Variants in TMPRSS5 observed in about 807,000 individuals in gnomAD.
TMPRSS5 encodes the protein transmembrane protease serine 5.
TMPRSS5 carries 45 observed loss-of-function variants against 59.7 expected under a neutral mutation model. The observed-to-expected ratio is 0.75, with a 90% CI of 0.59 to 0.97. TMPRSS5 has a LOEUF of 0.97. TMPRSS5 is among the 50% of genes least tolerant of loss of function. The probability of loss-of-function intolerance (pLI) is 0.00; values close to 1 mark genes in which losing one functional copy is unlikely to be tolerated. For missense variants in TMPRSS5, 585 were observed against 596.7 expected, an observed-to-expected ratio of 0.98 and a Z score of 0.20; for synonymous variants, 225 against 232.0, an observed-to-expected ratio of 0.97 and a Z score of 0.27.
rs976878229 is a variant in TMPRSS5 at position 113,688,011 on chromosome 11, C to A, written c.*249G>T. The stretch of plus-strand genomic sequence containing the variant: ...CCTCAGCAACCACAGCATGCCCAAC[C>A]AAGTCCCAGCCTCTCTTCTGTCATT... On this transcript the variant is annotated 3_prime_UTR_variant, in exon 13 of 13. Transcript: ENST00000299882. 4 of 469,538 alleles carry A rather than the reference C, an allele frequency of 8.5e-6. No individual in the cohort carries two copies. Among genetic ancestry groups the A allele is most frequent in the Non-Finnish European group, 1.4e-5 (4 of 289,362 alleles). The allele number at this position is 469,538 out of a possible 1,614,324, so 29.1% of individuals were successfully genotyped here.
intron 9 of TMPRSS5, among the ~76,000 whole-genome samples, 170 bp downstream of exon 9, chr11:113,692,901 A>T (rs568821868): frequency 5.3e-5 from 8 of 152,296 alleles, no homozygotes; most frequent in African/African-American, 1.9e-4. Flanking sequence ...GTTGATAACA[A>T]TTTCAGAACC....
At chr11:113,697,466 G>A in intron 4 of TMPRSS5, 48 bp from the exon 5 acceptor site, 4 of 1,598,400 alleles carry the variant, frequency 2.5e-6, no homozygotes, top group East Asian at 2.3e-5. Flanking sequence ...GTGGTGGTAG[G>A]GTGGGACAGG....
At chr11:113,700,297 A>C in intron 1 of TMPRSS5, 129 bp from the exon 2 acceptor site, 1 of 873,792 alleles carries the variant, frequency 1.1e-6, no homozygotes, top group Non-Finnish European at 1.7e-6. Context: ...ACCTCTACTC[A>C]TCTTGGAGAC....
chr11:113,700,008 G>A (rs1953083084), intron 2 of TMPRSS5, 58 bp downstream of exon 2: 3 of 1,550,800 alleles, frequency 1.9e-6, no homozygotes, highest in East Asian at 2.4e-5. Context: ...GGGAATGTAG[G>A]ATGATTGCCC....
chr11:113,693,210 C>A lies in TMPRSS5; in HGVS notation c.825G>T (p.Ala275=). Residue 275 remains alanine, a synonymous_variant, in exon 9 of 13, where the codon GCG becomes GCT. Transcript: ENST00000299882. ...LARLSSWRVH[A]GLVSHSAVRP... ...TGACGGCACTGTGGCTGACCAGCCC[C>A]GCATGAACCCGCCAGCTGGACAGGC... 2 of 1,587,264 alleles carry A rather than the reference C, an allele frequency of 1.3e-6. No individual in the cohort carries two copies. Among genetic ancestry groups the A allele is most frequent in the East Asian group, 4.6e-5 (2 of 43,774 alleles).
At chr11:113,699,724 C>T in intron 2 of TMPRSS5, 31 bp from the exon 3 acceptor site, 4 of 1,545,900 alleles carry the variant, frequency 2.6e-6, no homozygotes, top group East Asian at 2.4e-5. Context: ...GTATCTGGGT[C>T]CCCTGCTCCT....
chr11:113,706,259 C>T lies in TMPRSS5; in HGVS notation c.-35G>A. 1 of 1,598,540 alleles carries T rather than the reference C, an allele frequency of 6.3e-7. No homozygotes were observed. Among genetic ancestry groups the T allele is most frequent in the Non-Finnish European group, 8.5e-7 (1 of 1,172,802 alleles). Reference sequence around the variant, plus strand: ...TGGCACTGTTGTAAAGCCTCAGGGTCTACTAGGCAATGTTCCGCTCCTGTT... The same window carrying T: ...TGGCACTGTTGTAAAGCCTCAGGGTTTACTAGGCAATGTTCCGCTCCTGTT... On this transcript the variant is annotated 5_prime_UTR_variant, in exon 1 of 13. Transcript: ENST00000299882.
intron 9 of TMPRSS5, among the ~76,000 whole-genome samples, chr11:113,691,155 G>T (rs1952769402): frequency 6.6e-6 from 1 of 152,098 alleles, no homozygotes; most frequent in Admixed American, 6.5e-5. Context: ...CATGCAAACT[G>T]CAGTGTGCAT....
intron 3 of TMPRSS5, among the ~76,000 whole-genome samples, chr11:113,699,249 C>G (rs1041309740): frequency 1.1e-4 from 10 of 88,970 alleles, no homozygotes; most frequent in Non-Finnish European, 1.7e-4. Context: ...CTCTCTCTCT[C>G]TCTCTCTCTC....
intron 9 of TMPRSS5, among the ~76,000 whole-genome samples, chr11:113,692,168 G>A (rs1206402420): frequency 3.3e-5 from 5 of 152,148 alleles, no homozygotes; most frequent in Admixed American, 6.5e-5. Context: ...GATTACAGGC[G>A]TGAGCCGCCA....
At chr11:113,696,619 G>A (rs1952934811) in intron 6 of TMPRSS5, among the ~76,000 whole-genome samples, 2 of 152,174 alleles carry the variant, frequency 1.3e-5, no homozygotes, top group South Asian at 4.1e-4. Context: ...GTCAAATCTT[G>A]TGACAATAAT....
At chr11:113,699,846 G>T in intron 2 of TMPRSS5, 153 bp from the exon 3 acceptor site, 1 of 1,407,420 alleles carries the variant, frequency 7.1e-7, no homozygotes, top group Non-Finnish European at 9.7e-7. Context: ...GGGAGTGGGG[G>T]CAGGGGAGGA....
intron 11 of TMPRSS5, 136 bp from the exon 12 acceptor site, chr11:113,690,053 C>T (rs1436474668): frequency 4.0e-6 from 5 of 1,262,438 alleles, no homozygotes; most frequent in Non-Finnish European, 5.4e-6. Flanking sequence ...GCTGGCCTCA[C>T]CCCTCCTTAA....
chr11:113,692,498 C>T (rs966327899), intron 9 of TMPRSS5, among the ~76,000 whole-genome samples: 1 of 152,038 alleles, frequency 6.6e-6, no homozygotes, highest in Non-Finnish European at 1.5e-5. Context: ...ACGTGTGTGT[C>T]GGGGAGAGTG....
rs1953049785 is a variant in TMPRSS5, at chr11:113,699,286, T to TCTCC, written c.206-260_206-259insGGAG. Among the ~76,000 whole-genome samples the TCTCC allele has an allele frequency of 1.3e-4, 16 of 124,700 alleles. 1 individual carries two copies. Among genetic ancestry groups the TCTCC allele is most frequent in the East Asian group, 8.9e-4 (2 of 2,242 alleles). 81.8% of individuals were successfully genotyped at this position (124,700 alleles called of 152,430 possible). A position where few individuals can be genotyped will look rare whatever the true frequency, so the allele number is the denominator to read the frequency against. On this transcript the variant is annotated intron_variant, in intron 3 of 12. Transcript: ENST00000299882. ...CTCTCTCTCTCCCTCTCTCTCTCTC[T>TCTCC]CTCTCTGTCTCTCTCTCTCTCTAGC... is the stretch of plus-strand genomic sequence containing the variant.
intron 9 of TMPRSS5, 24 bp downstream of exon 9, chr11:113,693,046 GC>G (rs751796507): frequency 7.1e-6 from 11 of 1,542,636 alleles, no homozygotes; most frequent in Middle Eastern, 1.7e-4. Flanking sequence ...TCTCCAGCCT[GC>G]CCACCCTCAA....
At position 113,689,756 on chromosome 11, in the gene TMPRSS5, C is replaced by G; in HGVS notation, c.1359+9G>C. Reference sequence around the variant, plus strand: ...AATCTCCCTGCCCTACTCCTGCCCCCACACTCACCTGAGCAGTGTCATGGA... The same window carrying G: ...AATCTCCCTGCCCTACTCCTGCCCCGACACTCACCTGAGCAGTGTCATGGA... On this transcript the variant is annotated intron_variant, in intron 12 of 12. Transcript: ENST00000299882. 1.2e-6 allele frequency: 2 copies of G among 1,608,392 alleles called. No individual in the cohort carries two copies. Among genetic ancestry groups the G allele is most frequent in the Non-Finnish European group, 1.7e-6 (2 of 1,177,644 alleles).
At chr11:113,696,492 C>T (rs1294294791) in intron 6 of TMPRSS5, among the ~76,000 whole-genome samples, 2 of 152,230 alleles carry the variant, frequency 1.3e-5, no homozygotes, top group African/African-American at 4.8e-5. Context: ...AGCTTGGAGA[C>T]AGGAGCCTGG....
intron 3 of TMPRSS5, 38 bp from the exon 4 acceptor site, chr11:113,699,065 A>C: frequency 6.3e-7 from 1 of 1,599,762 alleles, no homozygotes; most frequent in Non-Finnish European, 8.5e-7. Context: ...CTGATTTCCA[A>C]AGGAAGGTGT....
Sources: allele counts gnomAD v4.1 joint callset (sites outside exome capture counted in the v4.1 genomes callset), GRCh38; gene constraint gnomAD v4.1.1; transcripts MANE v1.5; gene names NCBI Gene and HGNC (gene_info 2026-07-23, HGNC 2026-07-21).